Variants in KIF13B observed in about 807,000 individuals in gnomAD.
KIF13B encodes kinesin-like protein KIF13B.
In KIF13B, 127 loss-of-function variants were observed where a neutral mutation model predicts 222.0. The observed-to-expected ratio is 0.57, with a 90% CI of 0.50 to 0.66. KIF13B has a LOEUF of 0.66. KIF13B is among the 30% of genes least tolerant of loss of function. KIF13B has a pLI of 0.00. For missense variants in KIF13B, 2,173 were observed against 2,379.0 expected, an observed-to-expected ratio of 0.91 and a Z score of 1.80; for synonymous variants, 976 against 919.0, an observed-to-expected ratio of 1.06 and a Z score of -1.12.
chr8:29,141,805 G>C (rs1810829485), intron 19 of KIF13B, among the ~76,000 whole-genome samples: 1 of 152,172 alleles, frequency 6.6e-6, no homozygotes, highest in Admixed American at 6.5e-5. Flanking sequence ...AGGTTAAACG[G>C]GTTGAGCAAT....
In KIF13B at chr8:29,245,434, C is replaced by T; in HGVS notation, c.61G>A (p.Asp21Asn). ...TCCACCACACATTTGGTATGCAAGT[C>T]AGTCTCTGTGGATAAAAAAACAAGA... ...RIRPMNRRET[D>N]LHTKCVVDVD... is the part of the protein sequence containing the mutation. Residue 21 changes from aspartate to asparagine, a missense_variant, in exon 2 of 40, where the codon GAC becomes AAC. By Grantham distance (23) the Asp-to-Asn change is conservative (BLOSUM62 1). Coordinates refer to ENST00000524189, the MANE Select transcript of KIF13B (RefSeq NM_015254.4). 2 of 1,590,286 alleles carry T rather than the reference C, an allele frequency of 1.3e-6. No individual in the cohort carries two copies. Among genetic ancestry groups the T allele is most frequent in the Non-Finnish European group, 1.7e-6 (2 of 1,166,088 alleles).
In KIF13B at chr8:29,108,194, T is replaced by A; in HGVS notation, c.4162-2A>T. 1 of 1,611,624 alleles carries A rather than the reference T, an allele frequency of 6.2e-7. No individual in the cohort carries two copies. Among genetic ancestry groups the A allele is most frequent in the Non-Finnish European group, 8.5e-7 (1 of 1,178,858 alleles). On this transcript the variant is annotated splice_acceptor_variant, in intron 34 of 39. Transcript: ENST00000524189. LOFTEE classifies it high-confidence loss of function. Reference sequence around the variant, plus strand: ...GAGATCTTGTCGGCTTCCAGACAACTGAAGAAGAAAGAAAGGGGGGTTAGT... The same window carrying A: ...GAGATCTTGTCGGCTTCCAGACAACAGAAGAAGAAAGAAAGGGGGGTTAGT...
At chr8:29,107,796 G>A (rs566564415) in intron 35 of KIF13B, among the ~76,000 whole-genome samples, 13 of 152,094 alleles carry the variant, frequency 8.5e-5, no homozygotes, top group Admixed American at 5.2e-4. Flanking sequence ...TCCTGACCTC[G>A]TGATCCGCCC....
chr8:29,244,240 C>T (rs974518800), intron 2 of KIF13B, among the ~76,000 whole-genome samples: 1 of 152,188 alleles, frequency 6.6e-6, no homozygotes, highest in Non-Finnish European at 1.5e-5. Flanking sequence ...GTCTCGATCT[C>T]CTGACCTCAT....
At chr8:29,169,718 T>C (rs1165582789) in intron 10 of KIF13B, among the ~76,000 whole-genome samples, 1 of 152,250 alleles carries the variant, frequency 6.6e-6, no homozygotes, top group Non-Finnish European at 1.5e-5. Flanking sequence ...TAATCTCACA[T>C]AGCTGGTGCT....
chr8:29,149,133 G>C (rs1164514633), intron 15 of KIF13B, among the ~76,000 whole-genome samples: 1 of 152,178 alleles, frequency 6.6e-6, no homozygotes, highest in African/African-American at 2.4e-5. Context: ...TGTGAAAATG[G>C]AAATGTTCAT....
intron 26 of KIF13B, among the ~76,000 whole-genome samples, chr8:29,125,611 G>A (rs1298212768): frequency 6.6e-6 from 1 of 152,126 alleles, no homozygotes; most frequent in Non-Finnish European, 1.5e-5. Flanking sequence ...TTAGAATGAT[G>A]CAAAACCAGG....
At chr8:29,092,400 C>A (rs1003204296) in intron 37 of KIF13B, among the ~76,000 whole-genome samples, 2 of 152,110 alleles carry the variant, frequency 1.3e-5, no homozygotes, top group African/African-American at 4.8e-5. Context: ...CAAATGAAAT[C>A]AAAAAATAAA....
At chr8:29,224,117 G>A (rs1414544110) in intron 2 of KIF13B, among the ~76,000 whole-genome samples, 10 of 150,680 alleles carry the variant, frequency 6.6e-5, no homozygotes, top group African/African-American at 2.0e-4. Flanking sequence ...TCCGCCTCCC[G>A]AGTAGCTGGG....
chr8:29,116,781 C>G (rs368548675), intron 31 of KIF13B, 50 bp downstream of exon 31: 251 of 1,543,086 alleles, frequency 1.6e-4, no homozygotes, highest in Non-Finnish European at 1.9e-5. Flanking sequence ...CACGGCCCTA[C>G]CCTCAGGTCG....
At position 29,069,142 on chromosome 8, in the gene KIF13B, T is replaced by G. The variant is rs11998212; in HGVS notation, c.*1362A>C. 6.6e-6 allele frequency: 1 copy of G among 152,272 alleles called. No homozygotes were observed. Among genetic ancestry groups the G allele is most frequent in the Non-Finnish European group, 1.5e-5 (1 of 68,066 alleles). The allele number at this position is 152,272 out of a possible 1,614,324, so 9.4% of individuals were successfully genotyped here. ...AGCTCCAAGGGTGGCTGTGTGAATCTTGACCCAGGACTCCTGTCCCTAGAT... is the reference window on the plus strand; with the variant it reads ...AGCTCCAAGGGTGGCTGTGTGAATCGTGACCCAGGACTCCTGTCCCTAGAT... On this transcript the variant is annotated 3_prime_UTR_variant, in exon 40 of 40. Coordinates refer to ENST00000524189, the MANE Select transcript of KIF13B (RefSeq NM_015254.4).
rs1816748880 is a variant in KIF13B at position 29,263,065 on chromosome 8, C to T, written c.-31G>A. 1.3e-6 allele frequency: 2 copies of T among 1,571,390 alleles called. No individual in the cohort carries two copies. The highest frequency in any genetic ancestry group is 1.4e-5 in the African/African-American group (1 of 72,112). ...AGCCGCCGAGGAACTCGTTCGGCTT[C>T]CGTCTGCCGCGGCCACCGGCGACTC... is the stretch of plus-strand genomic sequence containing the variant. On this transcript the variant is annotated 5_prime_UTR_variant, in exon 1 of 40. Transcript: ENST00000524189.
intron 36 of KIF13B, among the ~76,000 whole-genome samples, chr8:29,093,801 T>C (rs534646972): frequency 6.6e-6 from 1 of 151,812 alleles, no homozygotes; most frequent in East Asian, 1.9e-4. Context: ...GGGCGACCAC[T>C]GAAAAATAAA....
intron 32 of KIF13B, among the ~76,000 whole-genome samples, chr8:29,111,310 A>G (rs879365350): frequency 6.6e-6 from 1 of 152,232 alleles, no homozygotes; most frequent in Admixed American, 6.5e-5. Flanking sequence ...TCCTAATTTT[A>G]TAAGGAGAAA....
At chr8:29,222,621 A>G (rs1173740572) in intron 2 of KIF13B, among the ~76,000 whole-genome samples, 1 of 144,346 alleles carries the variant, frequency 6.9e-6, no homozygotes, top group Non-Finnish European at 1.5e-5. Context: ...TCTTTCAGCT[A>G]AAGAATGAAT....
chr8:29,089,284 A>T (rs1020568998), intron 37 of KIF13B, among the ~76,000 whole-genome samples: 1 of 152,122 alleles, frequency 6.6e-6, no homozygotes, highest in Non-Finnish European at 1.5e-5. Flanking sequence ...AAAAATATTT[A>T]AAAAGTTAGC....
chr8:29,139,436 C>A (rs1586830489), intron 21 of KIF13B, among the ~76,000 whole-genome samples: 1 of 152,102 alleles, frequency 6.6e-6, no homozygotes, highest in Non-Finnish European at 1.5e-5. Flanking sequence ...AAATCAAGTA[C>A]AATATAATAA....
chr8:29,147,667 T>C lies in KIF13B; in HGVS notation c.1814-65A>G, dbSNP rs2129992766. ...CAACATAATAAACTTCAAATGTTGT[T>C]CTATATGGTAATGTTGTCTGTCATC... On this transcript the variant is annotated intron_variant, in intron 16 of 39. Transcript: ENST00000524189. 7 of 1,197,948 alleles carry C rather than the reference T, an allele frequency of 5.8e-6. No individual in the cohort carries two copies. The South Asian group carries it at 9.0e-5, about 15-fold the overall frequency. 74.2% of individuals were successfully genotyped at this position (1,197,948 alleles called of 1,614,324 possible). A position where few individuals can be genotyped will look rare whatever the true frequency, so the allele number is the denominator to read the frequency against.
At chr8:29,211,931 T>C (rs1007422364) in intron 2 of KIF13B, among the ~76,000 whole-genome samples, 1 of 152,246 alleles carries the variant, frequency 6.6e-6, no homozygotes, top group African/African-American at 2.4e-5. Context: ...TTCTGGACAT[T>C]TCATATAAAT....
Sources: allele counts gnomAD v4.1 joint callset (sites outside exome capture counted in the v4.1 genomes callset), GRCh38; gene constraint gnomAD v4.1.1; transcripts MANE v1.5; gene names NCBI Gene and HGNC (gene_info 2026-07-23, HGNC 2026-07-21).